Variants in CHIT1 observed in about 807,000 individuals in gnomAD.
CHIT1 encodes chitotriosidase-1.
Under a neutral mutation model 52.0 loss-of-function variants are expected in CHIT1, and 47 were observed. The ratio of observed to expected loss-of-function variants is 0.90; its 90% CI spans 0.71 to 1.15. The LOEUF (loss-of-function observed/expected upper bound fraction) is 1.15, where lower values mean the gene tolerates loss of function less well. Among genes scored for constraint, CHIT1 ranks in the 50% most tolerant of loss-of-function variants. The pLI is 0.00. For missense variants in CHIT1, 569 were observed against 583.0 expected (o/e 0.98, Z 0.25); for synonymous variants, 242 against 228.2 (o/e 1.06, Z -0.54).
At chr1:203,223,815 T>A (rs1656830321) in intron 4 of CHIT1, among the ~76,000 whole-genome samples, 155 bp from the exon 5 acceptor site, 1 of 152,072 alleles carries the variant, frequency 6.6e-6, no homozygotes, top group African/African-American at 2.4e-5. Context: ...GCAGGGATAT[T>A]TGCTGGTGAG....
In CHIT1 at chr1:203,219,786, G is replaced by A. The variant is rs765552919; in HGVS notation, c.793C>T (p.Pro265Ser). 1.8e-5 allele frequency: 29 copies of A among 1,613,066 alleles called. No individual in the cohort carries two copies. Among genetic ancestry groups the A allele is most frequent in the Non-Finnish European group, 2.3e-5 (27 of 1,179,934 alleles). ...AGTGTGAAGGAGCGTCCGTAGGTAG[G>A]CATGCCAAGGATCAGCTTGCTGGCA... ...TPASKLILGM[P>S]TYGRSFTLAS... Residue 265 changes from proline to serine, a missense_variant, in exon 8 of 11, where the codon CCT becomes TCT. Coordinates refer to ENST00000367229, the MANE Select transcript of CHIT1 (RefSeq NM_003465.3).
chr1:203,225,738 T>C lies in CHIT1; in HGVS notation c.188A>G (p.Asn63Ser). The C allele has an allele frequency of 6.2e-7, 1 of 1,614,056 alleles. No homozygotes were observed. Among genetic ancestry groups the C allele is most frequent in the Non-Finnish European group, 8.5e-7 (1 of 1,179,956 alleles). Residue 63 changes from asparagine (N) to serine (S), a missense_variant, in exon 3 of 11, where the codon AAC (asparagine) becomes AGC (serine). Physicochemically the swap from Asn to Ser is conservative, Grantham distance 46. Transcript: ENST00000367229. ...HLIYAFAGMTNHQLSTTEWND... is the reference protein window; with the variant it reads ...HLIYAFAGMTSHQLSTTEWND... ...CCACTCAGTGGTGCTCAGCTGGTGG[T>C]TGGTCATGCCAGCGAAGGCGTAGAT...
chr1:203,223,671 A>T lies in CHIT1; in HGVS notation c.315-11T>A, dbSNP rs1656825111. 6.2e-7 allele frequency: 1 copy of T among 1,614,038 alleles called. No homozygotes were observed. Among genetic ancestry groups the T allele is most frequent in the African/African-American group, 1.3e-5 (1 of 74,930 alleles). Reference sequence around the variant, plus strand: ...ACCATATCTGTGAACCTGTGAGGTGATGAAGGGGAGTAAGGGCCGGCCTTG... The same window carrying T: ...ACCATATCTGTGAACCTGTGAGGTGTTGAAGGGGAGTAAGGGCCGGCCTTG... On this transcript the variant is annotated splice_polypyrimidine_tract_variant and intron_variant, in intron 4 of 10. Coordinates refer to ENST00000367229, the MANE Select transcript of CHIT1 (RefSeq NM_003465.3).
rs888845118 is a variant in CHIT1, at chr1:203,216,097, A to G, written c.*792T>C. Reference sequence around the variant, plus strand: ...CAGCCAGGAATGTTGGGATGACTTTATTTAACCAGGACACCGTGTGCATGC... The same window carrying G: ...CAGCCAGGAATGTTGGGATGACTTTGTTTAACCAGGACACCGTGTGCATGC... On this transcript the variant is annotated 3_prime_UTR_variant, in exon 11 of 11. Coordinates refer to ENST00000367229, the MANE Select transcript of CHIT1 (RefSeq NM_003465.3). The G allele has an allele frequency of 6.6e-6, 3 of 453,618 alleles. No individual in the cohort carries two copies. The highest frequency in any genetic ancestry group is 2.0e-5 in the African/African-American group (1 of 50,012). The allele number at this position is 453,618 out of a possible 1,614,324, so 28.1% of individuals were successfully genotyped here.
Position 203,217,719 on chromosome 1 carries a change from G to A in CHIT1, c.1156+20C>T, listed in dbSNP as rs201561248. 18 of 1,613,376 alleles carry A rather than the reference G, an allele frequency of 1.1e-5. No homozygotes were observed. In the Admixed American group the frequency reaches 2.5e-4, roughly 22 times the overall value. On this transcript the variant is annotated intron_variant, in intron 10 of 10. Coordinates refer to ENST00000367229, the MANE Select transcript of CHIT1 (RefSeq NM_003465.3). ...ACCCCACCTCCAAATTCCACCACTGGCCCTGGGCCCCTTACTTACTCAGTT... is the reference window on the plus strand; with the variant it reads ...ACCCCACCTCCAAATTCCACCACTGACCCTGGGCCCCTTACTTACTCAGTT...
intron 9 of CHIT1, 108 bp from the exon 10 acceptor site, chr1:203,217,973 G>T: frequency 1.3e-6 from 2 of 1,540,274 alleles, no homozygotes; most frequent in African/African-American, 1.4e-5. Flanking sequence ...AGCAGCCTCA[G>T]GCCTGTGAGT....
Position 203,219,830 on chromosome 1 carries a change from C to A in CHIT1, c.749G>T (p.Trp250Leu). 1 of 1,612,220 alleles carries A rather than the reference C, an allele frequency of 6.2e-7. No individual in the cohort carries two copies. Among genetic ancestry groups the A allele is most frequent in the East Asian group, 2.2e-5 (1 of 44,888 alleles). The change falls in exon 8 of 11, where the codon TGG becomes TTG. Residue 250 changes from tryptophan (W) to leucine (L), a missense_variant. Trp to Leu is a moderately conservative substitution (Grantham distance 61, BLOSUM62 -2). Transcript: ENST00000367229. ...SLNVDAAVQQ[W>L]LQKGTPASKL... ...GCTGGCAGGGGTCCCCTTCTGCAGC[C>A]ACTGTTGCACAGCAGCATCCTGGTG...
chr1:203,224,875 A>C lies in CHIT1; in HGVS notation c.314+173T>G, dbSNP rs376829622. Reference sequence around the variant, plus strand: ...AGCAAAGCTCACTGTGCTGCCCTCCAGCTGAGGTGCCAAGAACCCAGAAGG... The same window carrying C: ...AGCAAAGCTCACTGTGCTGCCCTCCCGCTGAGGTGCCAAGAACCCAGAAGG... On this transcript the variant is annotated intron_variant, in intron 4 of 10. Coordinates refer to ENST00000367229, the MANE Select transcript of CHIT1 (RefSeq NM_003465.3). Among the ~76,000 whole-genome samples the C allele has an allele frequency of 1.2e-3, 185 of 152,246 alleles. 1 individual carries two copies. Among genetic ancestry groups the C allele is most frequent in the African/African-American group, 4.2e-3 (174 of 41,542 alleles).
chr1:203,228,711 C>T, intron 1 of CHIT1, 149 bp from the exon 2 acceptor site: 1 of 921,232 alleles, frequency 1.1e-6, no homozygotes, highest in Non-Finnish European at 1.7e-6. Flanking sequence ...CAGGAGGGCA[C>T]TGTGCCCATC....
upstream of CHIT1, chr1:203,229,945 T>C: frequency 4.5e-6 from 2 of 445,966 alleles, no homozygotes; most frequent in Non-Finnish European, 8.4e-6. Flanking sequence ...CTGACTTTCT[T>C]TGTGTAGTTG....
rs1218975695 is a variant in CHIT1, at chr1:203,217,779, C to G, written c.1116G>C (p.Gln372His). 6.2e-7 allele frequency: 1 copy of G among 1,608,468 alleles called. No homozygotes were observed. The highest frequency in any genetic ancestry group is 8.5e-7 in the Non-Finnish European group (1 of 1,177,540). ...LDDFAGFSCN[Q>H]GRYPLIQTLR... ...GCGTCTGGATGAGGGGGTATCGGCC[C>G]TGGTTGCAGGAGAAGCCGGCAAAGT... is the stretch of plus-strand genomic sequence containing the variant. Residue 372 changes from glutamine to histidine, a missense_variant, in exon 10 of 11, where the codon CAG (glutamine) becomes CAC (histidine). Transcript: ENST00000367229.
rs957185203 is a variant in CHIT1, at chr1:203,222,447, G to C, written c.606-122C>G. On this transcript the variant is annotated intron_variant, in intron 6 of 10. Coordinates refer to ENST00000367229, the MANE Select transcript of CHIT1 (RefSeq NM_003465.3). ...GGAACCACTGGGGTCAGAGGCAAAG[G>C]TGGCAGGCTCACCTGGCTCTGCAGA... 6 of 1,464,710 alleles carry C rather than the reference G, an allele frequency of 4.1e-6. No homozygotes were observed. In the African/African-American group the frequency reaches 8.4e-5, roughly 20 times the overall value. 90.7% of individuals were successfully genotyped at this position (1,464,710 alleles called of 1,614,324 possible).
upstream of CHIT1, chr1:203,230,028 G>A (rs1039621723): frequency 9.7e-6 from 3 of 310,550 alleles, no homozygotes; most frequent in Non-Finnish European, 1.9e-5. Context: ...TCAGGCAGCT[G>A]GGTTCCAGAC....
intron 7 of CHIT1, 75 bp downstream of exon 7, chr1:203,222,127 C>T (rs1212123702): frequency 1.3e-5 from 21 of 1,601,038 alleles, no homozygotes; most frequent in Middle Eastern, 4.3e-4. Context: ...ATGAGGGCCT[C>T]GGGGCTCAAA....
Position 203,217,227 on chromosome 1 carries a change from GC to G in CHIT1, c.1157-95del, listed in dbSNP as rs1571841714. ...AGGCAGCAACCATTGGCTGGCAGCAGCCCAGCACCACATGCCCTACAGGCTG... is the reference window on the plus strand; with the variant it reads ...AGGCAGCAACCATTGGCTGGCAGCAGCCAGCACCACATGCCCTACAGGCTG... On this transcript the variant is annotated intron_variant, in intron 10 of 10. Transcript: ENST00000367229. The G allele has an allele frequency of 1.9e-6, 3 of 1,593,604 alleles. No individual in the cohort carries two copies. The East Asian group carries it at 6.7e-5, about 36-fold the overall frequency.
chr1:203,225,921 G>A, intron 2 of CHIT1, 51 bp from the exon 3 acceptor site: 4 of 1,590,802 alleles, frequency 2.5e-6, no homozygotes, highest in Non-Finnish European at 3.4e-6. Context: ...GACCTTCTGG[G>A]GACTGGTCAC....
intron 7 of CHIT1, among the ~76,000 whole-genome samples, chr1:203,220,780 C>T (rs946257): frequency 2.0e-5 from 3 of 152,146 alleles, no homozygotes; most frequent in Admixed American, 6.5e-5. Flanking sequence ...AGGCAGAAGT[C>T]GGGGCTTCTC....
At chr1:203,220,521 A>T (rs971012247) in intron 7 of CHIT1, among the ~76,000 whole-genome samples, 3 of 152,076 alleles carry the variant, frequency 2.0e-5, no homozygotes, top group Non-Finnish European at 4.4e-5. Context: ...ACTTGGTGTA[A>T]CACCCCCAGG....
intron 2 of CHIT1, among the ~76,000 whole-genome samples, chr1:203,227,476 C>T (rs555262646): frequency 6.6e-6 from 1 of 152,338 alleles, no homozygotes; most frequent in African/African-American, 2.4e-5. Flanking sequence ...CAGTGGTTAA[C>T]AGCAGGGACT....
Sources: gnomAD v4.1 joint callset for allele counts (sites outside exome capture counted in the v4.1 genomes callset) on GRCh38, gnomAD v4.1.1 for gene constraint, MANE v1.5 for transcripts, NCBI Gene and HGNC (gene_info 2026-07-23, HGNC 2026-07-21) for gene names.